Variants in JARID2 observed in about 807,000 individuals in gnomAD.
The protein encoded by JARID2 is jumonji and AT-rich interaction domain containing 2, also known as protein Jumonji.
In JARID2, 21 loss-of-function variants were observed where a neutral mutation model predicts 125.6. That is an observed-to-expected ratio of 0.17 (90% CI 0.12 to 0.24). JARID2 has a LOEUF of 0.24. JARID2 is among the 10% of genes least tolerant of loss of function. The pLI is 1.00. For synonymous variants in JARID2, 736 were observed against 661.6 expected (o/e 1.11, Z -1.73); for missense variants, 1,303 against 1,639.6 (o/e 0.79, Z 3.55).
chr6:15,322,300 G>A (rs766767782), intron 1 of JARID2, among the ~76,000 whole-genome samples: 5 of 152,196 alleles, frequency 3.3e-5, no homozygotes, highest in Non-Finnish European at 7.3e-5. Context: ...CTGAGACTTG[G>A]TTAGAGGGCA....
At chr6:15,431,588 G>T (rs1430912281) in intron 3 of JARID2, among the ~76,000 whole-genome samples, 1 of 152,148 alleles carries the variant, frequency 6.6e-6, no homozygotes, top group Non-Finnish European at 1.5e-5. Flanking sequence ...ACATTTCTTG[G>T]TTCAAGCCTC....
At chr6:15,324,778 C>T (rs764975690) in intron 1 of JARID2, among the ~76,000 whole-genome samples, 10 of 151,472 alleles carry the variant, frequency 6.6e-5, no homozygotes, top group African/African-American at 1.2e-4. Context: ...TGTGAGCCAC[C>T]GCTCCCGCCA....
At chr6:15,393,852 A>G (rs556727421) in intron 2 of JARID2, among the ~76,000 whole-genome samples, 2 of 152,350 alleles carry the variant, frequency 1.3e-5, no homozygotes, top group Middle Eastern at 3.4e-3. Context: ...TAAAAGGCAC[A>G]TATTTTGAGA....
chr6:15,297,389 C>T (rs891384126), intron 1 of JARID2, among the ~76,000 whole-genome samples: 1 of 151,988 alleles, frequency 6.6e-6, no homozygotes, highest in Non-Finnish European at 1.5e-5. Context: ...ACCTCATGAT[C>T]TACCCGCCTC....
At position 15,520,928 on chromosome 6, in the gene JARID2, C is replaced by T. The variant is rs539855031; in HGVS notation, c.*677C>T. Reference sequence around the variant, plus strand: ...TGTTCCAGGAAAGAAGAAAAGCGAGCGAGGAAGACGGAAAAGACTGCCTGC... The same window carrying T: ...TGTTCCAGGAAAGAAGAAAAGCGAGTGAGGAAGACGGAAAAGACTGCCTGC... On this transcript the variant is annotated 3_prime_UTR_variant, in exon 18 of 18. Transcript: ENST00000341776. 1.0e-4 allele frequency: 43 copies of T among 426,190 alleles called. No homozygotes were observed. The highest frequency in any genetic ancestry group is 3.2e-4 in the African/African-American group (16 of 49,240). 26.4% of individuals were successfully genotyped at this position (426,190 alleles called of 1,614,324 possible). A position where few individuals can be genotyped will look rare whatever the true frequency, so the allele number is the denominator to read the frequency against.
At chr6:15,299,711 C>T (rs1761536476) in intron 1 of JARID2, among the ~76,000 whole-genome samples, 1 of 152,116 alleles carries the variant, frequency 6.6e-6, no homozygotes, top group Non-Finnish European at 1.5e-5. Flanking sequence ...TTCTCAGTGG[C>T]AGTTCGCAGA....
chr6:15,252,847 G>C (rs541049605), intron 1 of JARID2, among the ~76,000 whole-genome samples: 51 of 152,044 alleles, frequency 3.4e-4, no homozygotes, highest in African/African-American at 1.2e-3. Flanking sequence ...CCCAGTCTTT[G>C]TTTTTCTGAT....
chr6:15,388,124 A>C (rs1414996179), intron 2 of JARID2, among the ~76,000 whole-genome samples: 1 of 152,138 alleles, frequency 6.6e-6, no homozygotes, highest in African/African-American at 2.4e-5. Context: ...GAATTCTGTG[A>C]TATGTGTATT....
intron 3 of JARID2, among the ~76,000 whole-genome samples, chr6:15,419,723 G>A (rs569481013): frequency 1.8e-3 from 268 of 152,312 alleles, no homozygotes; most frequent in African/African-American, 6.3e-3. Context: ...GTCCCGATGT[G>A]CATCATTTCT....
chr6:15,497,374 T>A (rs911450998), intron 7 of JARID2, among the ~76,000 whole-genome samples: 3 of 152,190 alleles, frequency 2.0e-5, no homozygotes, highest in Non-Finnish European at 4.4e-5. Context: ...AAGAATGGTA[T>A]TGAGCTGCCG....
chr6:15,515,576 A>G (rs1348216626), intron 16 of JARID2, among the ~76,000 whole-genome samples: 2 of 152,138 alleles, frequency 1.3e-5, no homozygotes, highest in Non-Finnish European at 2.9e-5. Flanking sequence ...ACTCGAGGCC[A>G]GGAGTGCGAG....
intron 1 of JARID2, among the ~76,000 whole-genome samples, chr6:15,264,530 A>G (rs1281961064): frequency 6.6e-6 from 1 of 151,946 alleles, no homozygotes; most frequent in Non-Finnish European, 1.5e-5. Flanking sequence ...TGACAGCTAT[A>G]TTCAATATTT....
chr6:15,399,658 T>C (rs1428365302), intron 2 of JARID2, among the ~76,000 whole-genome samples: 2 of 152,216 alleles, frequency 1.3e-5, no homozygotes, highest in Non-Finnish European at 2.9e-5. Context: ...CTGAGCAAAG[T>C]TGACATCTAC....
At chr6:15,510,993 C>T (rs1581666619) in intron 12 of JARID2, among the ~76,000 whole-genome samples, 3 of 152,308 alleles carry the variant, frequency 2.0e-5, no homozygotes, top group African/African-American at 2.4e-5. Flanking sequence ...GGTTTGTGAA[C>T]ATCTGTTTGT....
chr6:15,431,727 G>A (rs888254591), intron 3 of JARID2, among the ~76,000 whole-genome samples: 2 of 152,202 alleles, frequency 1.3e-5, no homozygotes, highest in African/African-American at 4.8e-5. Flanking sequence ...ATTTACAGAT[G>A]GCAGTTTGGA....
rs1415369609 is a variant in JARID2 at position 15,514,366 on chromosome 6, C to T, written c.3450+944C>T. 2.6e-5 allele frequency among the ~76,000 whole-genome samples: 4 copies of T among 152,364 alleles called. No individual in the cohort carries two copies. In the East Asian group the frequency reaches 7.7e-4, roughly 29 times the overall value. ...CCTCGTCCCTTTCCACAGTGCCTCA[C>T]ATCTCCAGTACAGAAGCCTAGCTTA... On this transcript the variant is annotated intron_variant, in intron 16 of 17. Coordinates refer to ENST00000341776, the MANE Select transcript of JARID2 (RefSeq NM_004973.4).
At position 15,487,441 on chromosome 6, in the gene JARID2, C is replaced by A. The variant is rs769407485; in HGVS notation, c.805C>A (p.His269Asn). 2.5e-6 allele frequency: 4 copies of A among 1,614,244 alleles called. No individual in the cohort carries two copies. Among genetic ancestry groups the A allele is most frequent in the Non-Finnish European group, 3.4e-6 (4 of 1,180,044 alleles). ...CCGCCGGGAGCAGGCTTCAGCTAAC[C>A]ACCCCGCAGCGGCCCCCTCCACGGG... ...DSRREQASANHPAAAPSTGSS... is the reference protein window; with the variant it reads ...DSRREQASANNPAAAPSTGSS... Residue 269 changes from histidine to asparagine, a missense_variant, in exon 6 of 18, where the codon CAC (histidine) becomes AAC (asparagine). Transcript: ENST00000341776.
At chr6:15,422,141 C>A (rs552277504) in intron 3 of JARID2, among the ~76,000 whole-genome samples, 1 of 152,294 alleles carries the variant, frequency 6.6e-6, no homozygotes, top group South Asian at 2.1e-4. Flanking sequence ...GAGAGAAGCG[C>A]GTCCAGGAGA....
At chr6:15,307,421 C>T (rs1180670046) in intron 1 of JARID2, among the ~76,000 whole-genome samples, 1 of 152,006 alleles carries the variant, frequency 6.6e-6, no homozygotes, top group Non-Finnish European at 1.5e-5. Context: ...TGGGGTTTTG[C>T]CATGTTGCCC....
Sources: allele counts gnomAD v4.1 joint callset (sites outside exome capture counted in the v4.1 genomes callset), GRCh38; gene constraint gnomAD v4.1.1; transcripts MANE v1.5; gene names NCBI Gene and HGNC (gene_info 2026-07-23, HGNC 2026-07-21).